The following MAN1A1 variants were observed in gnomAD, a reference collection of about 807,000 sequenced individuals.
MAN1A1 encodes mannosyl-oligosaccharide 1,2-alpha-mannosidase IA.
Under a neutral mutation model 70.8 loss-of-function variants are expected in MAN1A1, and 29 were observed. That is an observed-to-expected ratio of 0.41 (90% CI 0.31 to 0.56). The LOEUF is 0.56. Among genes scored for constraint, MAN1A1 ranks in the 20% least tolerant of loss-of-function variants. The pLI is 0.29. For synonymous variants in MAN1A1, 349 were observed against 330.1 expected, an observed-to-expected ratio of 1.06 and a Z score of -0.62; for missense variants, 747 against 841.3, an observed-to-expected ratio of 0.89 and a Z score of 1.39.
At chr6:119,327,378 G>A (rs1015183340) in intron 2 of MAN1A1, 1 of 123,554 alleles carries the variant, frequency 8.1e-6, no homozygotes, top group Non-Finnish European at 1.7e-5. Flanking sequence ...GAAGCATTCC[G>A]TTTTTTTTTT....
chr6:119,181,592 A>G (rs1362501712), intron 11 of MAN1A1, among the ~76,000 whole-genome samples: 1 of 152,150 alleles, frequency 6.6e-6, no homozygotes. Context: ...CAGTGTGAGG[A>G]TGAACATTTA....
intron 8 of MAN1A1, 84 bp from the exon 9 acceptor site, chr6:119,193,976 C>T (rs1048355101): frequency 5.5e-5 from 41 of 745,304 alleles, no homozygotes; most frequent in Non-Finnish European, 1.2e-5. Flanking sequence ...AACTAGGATG[C>T]AACCCTATGT....
At chr6:119,181,219 C>T (rs970029813) in intron 11 of MAN1A1, among the ~76,000 whole-genome samples, 5 of 152,138 alleles carry the variant, frequency 3.3e-5, no homozygotes, top group African/African-American at 9.7e-5. Flanking sequence ...TGGCCCTTAA[C>T]AGAAAGAGTT....
intron 2 of MAN1A1, among the ~76,000 whole-genome samples, chr6:119,311,199 T>G (rs1258458995): frequency 6.6e-6 from 1 of 152,234 alleles, no homozygotes; most frequent in Non-Finnish European, 1.5e-5. Flanking sequence ...CAATGCATTT[T>G]AGGCATTATA....
intron 6 of MAN1A1, among the ~76,000 whole-genome samples, chr6:119,217,131 A>G (rs1201925196): frequency 6.6e-6 from 1 of 152,196 alleles, no homozygotes; most frequent in African/African-American, 2.4e-5. Flanking sequence ...CTTAATGGGC[A>G]TGAGAATGGT....
intron 11 of MAN1A1, among the ~76,000 whole-genome samples, chr6:119,184,143 T>A (rs1026729610): frequency 6.6e-6 from 1 of 152,148 alleles, no homozygotes; most frequent in African/African-American, 2.4e-5. Flanking sequence ...CCTGATTCTA[T>A]CAGCATCTCA....
At chr6:119,290,622 T>C in intron 5 of MAN1A1, 61 bp downstream of exon 5, 2 of 1,181,958 alleles carry the variant, frequency 1.7e-6, no homozygotes, top group East Asian at 2.4e-5. Flanking sequence ...TGGCATATTT[T>C]ACCAAAAATG....
chr6:119,342,097 A>G (rs1455298587), intron 2 of MAN1A1, among the ~76,000 whole-genome samples: 1 of 152,242 alleles, frequency 6.6e-6, no homozygotes, highest in Non-Finnish European at 1.5e-5. Flanking sequence ...TATTCTGAAG[A>G]AGCTGAAGAT....
chr6:119,324,046 G>A (rs1421121735), intron 2 of MAN1A1, among the ~76,000 whole-genome samples: 1 of 152,138 alleles, frequency 6.6e-6, no homozygotes, highest in East Asian at 1.9e-4. Flanking sequence ...AACATACACA[G>A]TAACAGCAAG....
At chr6:119,259,266 T>C (rs1303745761) in intron 5 of MAN1A1, among the ~76,000 whole-genome samples, 1 of 152,200 alleles carries the variant, frequency 6.6e-6, no homozygotes, top group Non-Finnish European at 1.5e-5. Flanking sequence ...ATAAGTCAAA[T>C]GTCCTTCCTC....
chr6:119,320,176 G>A (rs1214605236), intron 2 of MAN1A1, among the ~76,000 whole-genome samples: 2 of 152,126 alleles, frequency 1.3e-5, no homozygotes, highest in Non-Finnish European at 2.9e-5. Flanking sequence ...GTTTCACTAT[G>A]TTGGCCAGGC....
chr6:119,187,810 T>C (rs911485166), intron 11 of MAN1A1, among the ~76,000 whole-genome samples: 12 of 152,244 alleles, frequency 7.9e-5, no homozygotes, highest in African/African-American at 2.6e-4. Context: ...TTCACTAGAT[T>C]GGTTTAGGAA....
chr6:119,232,824 C>T (rs1330830412), intron 6 of MAN1A1, among the ~76,000 whole-genome samples: 1 of 151,926 alleles, frequency 6.6e-6, no homozygotes, highest in Non-Finnish European at 1.5e-5. Flanking sequence ...TTCCTGACTC[C>T]TGCCTCTTCT....
chr6:119,272,768 T>C (rs1463967535), intron 5 of MAN1A1, among the ~76,000 whole-genome samples: 4 of 152,180 alleles, frequency 2.6e-5, no homozygotes, highest in Non-Finnish European at 5.9e-5. Flanking sequence ...CGGAGAAATC[T>C]TGTTACTATC....
intron 5 of MAN1A1, among the ~76,000 whole-genome samples, chr6:119,249,080 T>C (rs1457800427): frequency 2.0e-5 from 3 of 152,124 alleles, no homozygotes; most frequent in East Asian, 3.9e-4. Flanking sequence ...GTACGCAGCA[T>C]TGAACTGGGG....
intron 5 of MAN1A1, among the ~76,000 whole-genome samples, chr6:119,261,808 C>G (rs115516107): frequency 9.2e-4 from 140 of 152,330 alleles, no homozygotes; most frequent in African/African-American, 3.2e-3. Context: ...TCTTCTGAGA[C>G]TGGCCAACAT....
chr6:119,202,349 C>T (rs1773736033), intron 7 of MAN1A1, among the ~76,000 whole-genome samples: 1 of 152,152 alleles, frequency 6.6e-6, no homozygotes, highest in Admixed American at 6.6e-5. Context: ...TCTTCCACTT[C>T]TACATCTTAT....
intron 6 of MAN1A1, among the ~76,000 whole-genome samples, chr6:119,217,084 T>C (rs1774226210): frequency 6.6e-6 from 1 of 152,198 alleles, no homozygotes; most frequent in Non-Finnish European, 1.5e-5. Context: ...CATTACCCAA[T>C]TGCCTTCCAA....
chr6:119,229,843 T>A (rs1774628619), intron 6 of MAN1A1, among the ~76,000 whole-genome samples: 1 of 152,366 alleles, frequency 6.6e-6, no homozygotes, highest in South Asian at 2.1e-4. Flanking sequence ...GCTGTAGCAA[T>A]TGTGAACCTG....
Sources: gnomAD v4.1 joint callset for allele counts (sites outside exome capture counted in the v4.1 genomes callset) on GRCh38, gnomAD v4.1.1 for gene constraint, MANE v1.5 for transcripts, NCBI Gene and HGNC (gene_info 2026-07-23, HGNC 2026-07-21) for gene names.